The following SLIT1 variants were observed in gnomAD, a reference collection of about 807,000 sequenced individuals.
The protein encoded by SLIT1 is slit homolog 1 protein.
In SLIT1, 66 loss-of-function variants were observed where a neutral mutation model predicts 186.1. That is an observed-to-expected ratio of 0.35 (90% CI 0.29 to 0.44). SLIT1 has a LOEUF of 0.44. Among genes scored for constraint, SLIT1 ranks in the 20% least tolerant of loss-of-function variants. The pLI is 1.00. For missense variants in SLIT1, 1,638 were observed against 2,037.4 expected (o/e 0.80, Z 3.77); for synonymous variants, 761 against 833.8 (o/e 0.91, Z 1.50).
At position 97,043,933 on chromosome 10, in the gene SLIT1, G is replaced by A. The variant is rs74704462; in HGVS notation, c.1854-420C>T. Reference sequence around the variant, plus strand: ...CCAAACTGCCCACCGAGTCATGCTCGAACTCCTTACTGTGACCTGAGACCA... The same window carrying A: ...CCAAACTGCCCACCGAGTCATGCTCAAACTCCTTACTGTGACCTGAGACCA... On this transcript the variant is annotated intron_variant, in intron 18 of 36. Coordinates refer to ENST00000266058, the MANE Select transcript of SLIT1 (RefSeq NM_003061.3). This position sits in a 1 kb window ranked among gnomAD's most constrained non-coding sequence, Gnocchi z 7.0. Among the ~76,000 whole-genome samples, 5,888 of 152,096 alleles carry A rather than the reference G, an allele frequency of 0.039. 176 individuals are homozygous for A. Among genetic ancestry groups the A allele is most frequent in the Middle Eastern group, 0.14 (40 of 294 alleles).
chr10:97,052,450 AG>A (rs1257205656), intron 13 of SLIT1, among the ~76,000 whole-genome samples: 1 of 152,232 alleles, frequency 6.6e-6, no homozygotes, highest in Non-Finnish European at 1.5e-5. Context: ...CTACAGAGAA[AG>A]GAAATAGATC....
chr10:97,101,164 G>T (rs1335297170), intron 4 of SLIT1, among the ~76,000 whole-genome samples: 5 of 152,160 alleles, frequency 3.3e-5, no homozygotes, highest in African/African-American at 1.2e-4. Flanking sequence ...GATACAGGTG[G>T]AAGAGAGTCA....
At chr10:97,159,270 T>C (rs1264310384) in intron 3 of SLIT1, among the ~76,000 whole-genome samples, 4 of 152,200 alleles carry the variant, frequency 2.6e-5, no homozygotes, top group Non-Finnish European at 4.4e-5. Flanking sequence ...TGCCACCACA[T>C]TGGGCACCGC....
In SLIT1 at chr10:97,021,929, C is replaced by T. The variant is rs539472275; in HGVS notation, c.2583-516G>A. ...AGTCATCACCACACGCTACTATTCT[C>T]ATTTTACATGTGCAGAAACCGAGGC... On this transcript the variant is annotated intron_variant, in intron 25 of 36. Transcript: ENST00000266058. The surrounding 1 kb of genome is among the most constrained non-coding windows in gnomAD (Gnocchi z 4.5). Among the ~76,000 whole-genome samples, 1 of 152,334 alleles carries T rather than the reference C, an allele frequency of 6.6e-6. No homozygotes were observed. The highest frequency in any genetic ancestry group is 2.1e-4 in the South Asian group (1 of 4,824).
At chr10:97,106,078 CCA>C (rs1564677393) in intron 4 of SLIT1, among the ~76,000 whole-genome samples, 2 of 152,176 alleles carry the variant, frequency 1.3e-5, no homozygotes, top group Admixed American at 6.5e-5. Flanking sequence ...AGTGGTAACC[CCA>C]GTTTTGTCTG....
chr10:97,142,693 G>A (rs1454858759), intron 4 of SLIT1, among the ~76,000 whole-genome samples: 1 of 152,094 alleles, frequency 6.6e-6, no homozygotes, highest in Non-Finnish European at 1.5e-5. Context: ...TTATGGAATG[G>A]AATAAAATAT....
At chr10:97,030,664 C>A in intron 25 of SLIT1, 93 bp downstream of exon 25, 1 of 1,069,130 alleles carries the variant, frequency 9.4e-7, no homozygotes, top group Non-Finnish European at 1.4e-6. Flanking sequence ...GTAAAAGCAA[C>A]AAACTCTGAC....
At chr10:97,034,598 A>G (rs370728094) in intron 22 of SLIT1, 56 bp from the exon 23 acceptor site, 2 of 1,473,340 alleles carry the variant, frequency 1.4e-6, no homozygotes, top group Non-Finnish European at 1.9e-6. Flanking sequence ...CCTGGCTCAC[A>G]TTCACGGGCT....
intron 4 of SLIT1, among the ~76,000 whole-genome samples, chr10:97,118,891 A>T (rs1027184893): frequency 2.6e-5 from 4 of 152,248 alleles, no homozygotes; most frequent in Non-Finnish European, 5.9e-5. Flanking sequence ...GTGCCCAATA[A>T]ATTATAGCTA....
chr10:97,176,723 T>G (rs1181656941), intron 1 of SLIT1, among the ~76,000 whole-genome samples: 1 of 152,082 alleles, frequency 6.6e-6, no homozygotes, highest in East Asian at 1.9e-4. Context: ...GACTGAATGC[T>G]CTCCACACTG....
intron 4 of SLIT1, among the ~76,000 whole-genome samples, chr10:97,150,563 G>T (rs1228344765): frequency 2.0e-5 from 3 of 152,066 alleles, no homozygotes; most frequent in African/African-American, 4.8e-5. Context: ...GGAAATAAAT[G>T]CCCTGGGCTG....
intron 4 of SLIT1, among the ~76,000 whole-genome samples, chr10:97,148,223 TGGCACATGAGTGCTTAACAAACA>T (rs1357527222): frequency 6.6e-6 from 1 of 152,076 alleles, no homozygotes; most frequent in Non-Finnish European, 1.5e-5. Context: ...ATAAAGTTTT[TGGCACATGAGTGCTTAACAAACA>T]GTAACTATCA....
intron 1 of SLIT1, among the ~76,000 whole-genome samples, chr10:97,177,930 T>C (rs991536166): frequency 1.3e-5 from 2 of 152,004 alleles, no homozygotes; most frequent in African/African-American, 4.8e-5. Context: ...GAGTCGAGAT[T>C]GTGCCACCGC....
rs1462556286 is a variant in SLIT1, at chr10:97,185,462, C to T, written c.197+16G>A. ...AACCTCGGAGCCAGGGAGCCAGGGG[C>T]GGGGACCATACTCACAGGCGCTCGG... On this transcript the variant is annotated intron_variant, in intron 1 of 36. Transcript: ENST00000266058. The T allele has an allele frequency of 2.5e-6, 4 of 1,607,918 alleles. No individual in the cohort carries two copies. The highest frequency in any genetic ancestry group is 3.4e-6 in the Non-Finnish European group (4 of 1,177,692).
intron 13 of SLIT1, among the ~76,000 whole-genome samples, chr10:97,050,837 A>T (rs1385362301): frequency 6.6e-6 from 1 of 152,216 alleles, no homozygotes; most frequent in African/African-American, 2.4e-5. Flanking sequence ...CTTTCTAAAA[A>T]CAGGCTGTGC....
chr10:97,020,805 G>A (rs948547010), intron 26 of SLIT1, among the ~76,000 whole-genome samples: 9 of 152,248 alleles, frequency 5.9e-5, no homozygotes, highest in Non-Finnish European at 7.3e-5. Flanking sequence ...GGGTCCCGGG[G>A]CAAAGCCGGA....
chr10:97,071,723 A>T (rs1314997736), intron 4 of SLIT1, among the ~76,000 whole-genome samples: 1 of 152,212 alleles, frequency 6.6e-6, no homozygotes, highest in Non-Finnish European at 1.5e-5. Context: ...CAGTCAGCTC[A>T]CAGCGCCCAC....
At chr10:97,136,136 A>T (rs902842950) in intron 4 of SLIT1, among the ~76,000 whole-genome samples, 2 of 152,188 alleles carry the variant, frequency 1.3e-5, no homozygotes, top group Non-Finnish European at 2.9e-5. Context: ...TATAGAATGT[A>T]CAGTACCAAG....
At position 97,183,995 on chromosome 10, in the gene SLIT1, TCACA is replaced by T. The variant is rs568318053; in HGVS notation, c.197+1479_197+1482del. Among the ~76,000 whole-genome samples the T allele has an allele frequency of 2.2e-5, 3 of 137,368 alleles. No individual in the cohort carries two copies. In the Admixed American group the frequency reaches 2.3e-4, roughly 10 times the overall value. The allele number at this position is 137,368 out of a possible 152,430, so 90.1% of individuals were successfully genotyped here. A position where few individuals can be genotyped will look rare whatever the true frequency, so the allele number is the denominator to read the frequency against. On this transcript the variant is annotated intron_variant, in intron 1 of 36. Coordinates refer to ENST00000266058, the MANE Select transcript of SLIT1 (RefSeq NM_003061.3). Reference sequence around the variant, plus strand: ...CCCCAGCCCTGTAACACACAAGCATTCACACACACACATACACATGCACCACACA... The same window carrying T: ...CCCCAGCCCTGTAACACACAAGCATTCACACACATACACATGCACCACACA...
Sources: allele counts gnomAD v4.1 joint callset (sites outside exome capture counted in the v4.1 genomes callset), GRCh38; gene constraint gnomAD v4.1.1; non-coding constraint Gnocchi (gnomAD v3.1); transcripts MANE v1.5; gene names NCBI Gene and HGNC (gene_info 2026-07-23, HGNC 2026-07-21).